Variants in PLA2G4D observed in about 807,000 individuals in gnomAD.
The protein encoded by PLA2G4D is cytosolic phospholipase A2 delta.
PLA2G4D carries 80 observed loss-of-function variants against 94.4 expected under a neutral mutation model. The observed-to-expected ratio is 0.85, with a 90% CI of 0.71 to 1.02. The LOEUF (loss-of-function observed/expected upper bound fraction) is 1.02. Ranked by LOEUF, PLA2G4D falls within the 50% of genes least tolerant of loss-of-function variation. PLA2G4D has a pLI of 0.00. For missense variants in PLA2G4D, 1,050 were observed against 1,034.7 expected (o/e 1.01, Z -0.20); for synonymous variants, 438 against 440.9 (o/e 0.99, Z 0.08).
chr15:42,085,545 G>A lies in PLA2G4D; in HGVS notation c.388-14C>T, dbSNP rs1890125450. On this transcript the variant is annotated splice_polypyrimidine_tract_variant and intron_variant, in intron 4 of 19. Coordinates refer to ENST00000290472, the MANE Select transcript of PLA2G4D (RefSeq NM_178034.4). ...CTCCTCCTCTCCCTGAAATCAGAGA[G>A]CATGAGCAAGTCATCAGCACATACC... The A allele has an allele frequency of 1.1e-5, 17 of 1,612,872 alleles. No individual in the cohort carries two copies. The highest frequency in any genetic ancestry group is 1.3e-5 in the Non-Finnish European group (15 of 1,178,840).
intron 13 of PLA2G4D, among the ~76,000 whole-genome samples, chr15:42,077,119 G>A (rs1469207309): frequency 6.6e-6 from 1 of 152,086 alleles, no homozygotes; most frequent in Non-Finnish European, 1.5e-5. Context: ...AAAAGTCAAG[G>A]ACCTGATGGC....
chr15:42,077,615 T>G (rs548423575), intron 13 of PLA2G4D, among the ~76,000 whole-genome samples: 35 of 152,354 alleles, frequency 2.3e-4, no homozygotes, highest in Non-Finnish European at 4.9e-4. Context: ...AAAGTTTGTG[T>G]CTTTTAGATT....
At position 42,084,345 on chromosome 15, in the gene PLA2G4D, T is replaced by G. The variant is rs770688245; in HGVS notation, c.472-566A>C. Among the ~76,000 whole-genome samples the G allele has an allele frequency of 5.9e-5, 9 of 152,194 alleles. No homozygotes were observed. Among genetic ancestry groups the G allele is most frequent in the Non-Finnish European group, 1.2e-4 (8 of 68,026 alleles). On this transcript the variant is annotated intron_variant, in intron 6 of 19. Coordinates refer to ENST00000290472, the MANE Select transcript of PLA2G4D (RefSeq NM_178034.4). The surrounding 1 kb of genome is among the most constrained non-coding windows in gnomAD (Gnocchi z 4.8). ...CACACAATCACTGAATTTGCCCACC[T>G]GCTGTGTGTCTCCATCACCTCCTAA...
intron 13 of PLA2G4D, among the ~76,000 whole-genome samples, chr15:42,076,205 G>T (rs189620566): frequency 6.6e-6 from 1 of 152,262 alleles, no homozygotes; most frequent in African/African-American, 2.4e-5. Context: ...ATGCAGATCA[G>T]TGGAGAAAAA....
At chr15:42,086,124 C>T in intron 4 of PLA2G4D, 89 bp downstream of exon 4, 1 of 1,365,282 alleles carries the variant, frequency 7.3e-7, no homozygotes. Context: ...ACCCCAGCAG[C>T]CTCCCAACAG....
rs187598778 is a variant in PLA2G4D, at chr15:42,071,008, G to C, written c.1876+115C>G. 1.0e-5 allele frequency: 16 copies of C among 1,525,692 alleles called. No individual in the cohort carries two copies. In the Admixed American group the frequency reaches 3.0e-4, roughly 29 times the overall value. The allele number at this position is 1,525,692 out of a possible 1,614,324, so 94.5% of individuals were successfully genotyped here. ...TTCCCCAGGACCTTCCAAGGGGATC[G>C]TCTCCAGGCCACACCCCAGAAGTGG... On this transcript the variant is annotated intron_variant, in intron 17 of 19. Transcript: ENST00000290472.
chr15:42,092,211 C>A (rs1890257815), intron 1 of PLA2G4D, among the ~76,000 whole-genome samples: 2 of 152,182 alleles, frequency 1.3e-5, no homozygotes, highest in Non-Finnish European at 2.9e-5. Context: ...CCATTTCCTC[C>A]CATTTTCTAC....
At chr15:42,070,628 G>A (rs981024334) in intron 18 of PLA2G4D, 89 bp downstream of exon 18, 2 of 1,411,754 alleles carry the variant, frequency 1.4e-6, no homozygotes, top group Non-Finnish European at 1.9e-6. Context: ...GACCCCGGCG[G>A]TGTGGGGCAG....
intron 12 of PLA2G4D, among the ~76,000 whole-genome samples, chr15:42,080,641 C>T (rs980787548): frequency 2.0e-5 from 3 of 152,176 alleles, no homozygotes; most frequent in African/African-American, 4.8e-5. Flanking sequence ...CAGTCCCACG[C>T]GGTGTGTGCT....
rs372281880 is a variant in PLA2G4D, at chr15:42,087,679, G to A, written c.67C>T (p.Gln23Ter). 3 of 1,613,990 alleles carry A rather than the reference G, an allele frequency of 1.9e-6. No homozygotes were observed. The African/African-American group carries it at 4.0e-5, about 22-fold the overall frequency. ...GCCTCCAGGACCCTCACTGTGAGCT[G>A]CCAGCAGGTAGAGGCCTCCCCCTGA... ...PYQGEASTCWQLTVRVLEARN... is the reference protein window; with the variant it reads ...PYQGEASTCW The change falls in exon 2 of 20, where the codon CAG becomes TAG. Residue 23 changes from glutamine to a stop codon, truncating the protein, a stop_gained. Coordinates refer to ENST00000290472, the MANE Select transcript of PLA2G4D (RefSeq NM_178034.4). LOFTEE classifies it high-confidence loss of function.
In PLA2G4D at chr15:42,068,796, G is replaced by T. The variant is rs759933682; in HGVS notation, c.2376C>A (p.Ser792Arg). 1.2e-6 allele frequency: 2 copies of T among 1,613,422 alleles called. No individual in the cohort carries two copies. The highest frequency in any genetic ancestry group is 1.1e-5 in the South Asian group (1 of 90,936). The change falls in exon 20 of 20, where the codon AGC (serine) becomes AGA (arginine). Residue 792 changes from serine to arginine, a missense_variant. By Grantham distance (110) the Ser-to-Arg change is moderately radical. Transcript: ENST00000290472. ...TCAGGGCCTGCAGGATGGCACCCTG[G>T]CTGGTCTGCACGTTGTAGTCACTGA... is the stretch of plus-strand genomic sequence containing the variant. The part of the protein sequence containing the change: ...LRLSDYNVQT[S>R]QGAILQALRT...
At position 42,084,379 on chromosome 15, in the gene PLA2G4D, G is replaced by A. The variant is rs1237850284; in HGVS notation, c.472-600C>T. ...TCTCCATCACCTCCTAAGAGGCAGT[G>A]CCATCGGCTTGACTTTATTTTCATG... On this transcript the variant is annotated intron_variant, in intron 6 of 19. Coordinates refer to ENST00000290472, the MANE Select transcript of PLA2G4D (RefSeq NM_178034.4). The surrounding 1 kb of genome is among the most constrained non-coding windows in gnomAD (Gnocchi z 4.8). 6.6e-6 allele frequency among the ~76,000 whole-genome samples: 1 copy of A among 152,206 alleles called. No homozygotes were observed. Among genetic ancestry groups the A allele is most frequent in the Non-Finnish European group, 1.5e-5 (1 of 68,026 alleles).
intron 1 of PLA2G4D, among the ~76,000 whole-genome samples, chr15:42,088,197 C>T (rs776726): frequency 0.77 from 117,593 of 152,122 alleles, 45,977 homozygotes; most frequent in Non-Finnish European, 0.83. Context: ...AGTCCACAGG[C>T]GCTACCCTGG....
Position 42,068,617 on chromosome 15 carries a change from G to A in PLA2G4D, c.*98C>T. The A allele has an allele frequency of 1.7e-6, 2 of 1,187,222 alleles. No individual in the cohort carries two copies. The highest frequency in any genetic ancestry group is 2.6e-5 in the East Asian group (1 of 39,010). 73.5% of individuals were successfully genotyped at this position (1,187,222 alleles called of 1,614,324 possible). A position where few individuals can be genotyped will look rare whatever the true frequency, so the allele number is the denominator to read the frequency against. ...CTACAGAGGCCACCCAGGCCTGGGA[G>A]AGCCCAGAACTCCAACCAGGAAGGC... is the stretch of plus-strand genomic sequence containing the variant. On this transcript the variant is annotated 3_prime_UTR_variant, in exon 20 of 20. Coordinates refer to ENST00000290472, the MANE Select transcript of PLA2G4D (RefSeq NM_178034.4).
Position 42,073,229 on chromosome 15 carries a change from G to A in PLA2G4D, c.1318-837C>T, listed in dbSNP as rs180996237. ...GCCCAGGCTGGTCTCAAATTCCTGA[G>A]CTCAAGCAATCCACCTGCCTTGGCG... On this transcript the variant is annotated intron_variant, in intron 13 of 19. Transcript: ENST00000290472. Among the ~76,000 whole-genome samples the A allele has an allele frequency of 1.1e-4, 16 of 152,272 alleles. No individual in the cohort carries two copies. The East Asian group carries it at 2.9e-3, about 28-fold the overall frequency.
intron 13 of PLA2G4D, among the ~76,000 whole-genome samples, chr15:42,073,732 G>A (rs1239131677): frequency 1.3e-5 from 2 of 152,156 alleles, no homozygotes; most frequent in Non-Finnish European, 2.9e-5. Context: ...TCACTTTGGA[G>A]TTTGCCTTTT....
intron 6 of PLA2G4D, 132 bp from the exon 7 acceptor site, chr15:42,083,911 G>A: frequency 2.4e-6 from 2 of 830,946 alleles, no homozygotes; most frequent in Non-Finnish European, 3.9e-6. Flanking sequence ...GGATGGGATT[G>A]GCTGCAGAGG....
intron 19 of PLA2G4D, among the ~76,000 whole-genome samples, chr15:42,069,299 G>C (rs1441491801): frequency 6.6e-6 from 1 of 152,232 alleles, no homozygotes; most frequent in African/African-American, 2.4e-5. Flanking sequence ...AGGGGGCAGC[G>C]AGAACTTGCT....
At position 42,072,358 on chromosome 15, in the gene PLA2G4D, G is replaced by A. The variant is rs1187604334; in HGVS notation, c.1352C>T (p.Ala451Val). ...MDQKLSGQRAALERGQNPLPL... is the reference protein window; with the variant it reads ...MDQKLSGQRAVLERGQNPLPL... ...CAGAGGGTTCTGACCCCGTTCCAGG[G>A]CGGCTCTCTGTCCTGACAGCTTCTG... The change falls in exon 14 of 20, where the codon GCC becomes GTC. Residue 451 changes from alanine (A) to valine (V), a missense_variant. Coordinates refer to ENST00000290472, the MANE Select transcript of PLA2G4D (RefSeq NM_178034.4). 10 of 1,613,258 alleles carry A rather than the reference G, an allele frequency of 6.2e-6. No homozygotes were observed. The highest frequency in any genetic ancestry group is 6.8e-6 in the Non-Finnish European group (8 of 1,179,978).
Sources: gnomAD v4.1 joint callset for allele counts (sites outside exome capture counted in the v4.1 genomes callset) on GRCh38, gnomAD v4.1.1 for gene constraint, Gnocchi (gnomAD v3.1) non-coding constraint, MANE v1.5 for transcripts, NCBI Gene and HGNC (gene_info 2026-07-23, HGNC 2026-07-21) for gene names.